FAF1: variants seen among roughly 807,000 people sequenced by gnomAD.
FAF1 encodes Fas associated factor 1.
A neutral mutation model predicts 92.5 loss-of-function variants in FAF1; 25 were observed. The ratio of observed to expected loss-of-function variants is 0.27; its 90% confidence interval spans 0.20 to 0.38. The LOEUF (loss-of-function observed/expected upper bound fraction) is 0.38. Ranked by LOEUF, FAF1 falls within the 10% of genes least tolerant of loss-of-function variation. The probability of loss-of-function intolerance (pLI) is 1.00; values close to 1 mark genes in which losing one functional copy is unlikely to be tolerated. For synonymous variants in FAF1, 234 were observed against 273.2 expected, an observed-to-expected ratio of 0.86 and a Z score of 1.42; for missense variants, 636 against 793.3, an observed-to-expected ratio of 0.80 and a Z score of 2.38.
intron 1 of FAF1, among the ~76,000 whole-genome samples, chr1:50,867,002 T>C (rs1033506906): frequency 6.6e-6 from 1 of 152,058 alleles, no homozygotes; most frequent in Admixed American, 6.6e-5. Context: ...TATAGACCAA[T>C]GCAACAGAAT....
intron 8 of FAF1, among the ~76,000 whole-genome samples, chr1:50,618,038 T>A (rs1653008833): frequency 6.6e-6 from 1 of 152,152 alleles, no homozygotes; most frequent in Non-Finnish European, 1.5e-5. Context: ...TATTTAGATC[T>A]TCTCTTTTTT....
rs570029167 is a variant in FAF1 at position 50,721,207 on chromosome 1, T to C, written c.552-15316A>G. Among the ~76,000 whole-genome samples, 3 of 152,028 alleles carry C rather than the reference T, an allele frequency of 2.0e-5. No individual in the cohort carries two copies. The South Asian group carries it at 6.2e-4, about 32-fold the overall frequency. On this transcript the variant is annotated intron_variant, in intron 6 of 18. Coordinates refer to ENST00000396153, the MANE Select transcript of FAF1 (RefSeq NM_007051.3). ...TCTTTTGAGAGGAGTCTCACTCTTA[T>C]CACCACGCTGGAGATAAGTCTCACC...
At chr1:50,664,487 C>T (rs1380838609) in intron 7 of FAF1, among the ~76,000 whole-genome samples, 1 of 151,140 alleles carries the variant, frequency 6.6e-6, no homozygotes, top group Non-Finnish European at 1.5e-5. Flanking sequence ...ATGTTTGAGC[C>T]ATATAAAACA....
At chr1:50,868,739 G>A (rs1241791415) in intron 1 of FAF1, among the ~76,000 whole-genome samples, 2 of 152,038 alleles carry the variant, frequency 1.3e-5, no homozygotes, top group Admixed American at 6.6e-5. Flanking sequence ...CTGTTGATTT[G>A]TAATTTAATT....
At chr1:50,732,046 G>A (rs568007312) in intron 6 of FAF1, among the ~76,000 whole-genome samples, 1 of 151,826 alleles carries the variant, frequency 6.6e-6, no homozygotes, top group African/African-American at 2.4e-5. Flanking sequence ...TGACAAAGAT[G>A]TATTGCTAAA....
chr1:50,887,246 G>C (rs1445732247), intron 1 of FAF1, among the ~76,000 whole-genome samples: 1 of 152,182 alleles, frequency 6.6e-6, no homozygotes, highest in Non-Finnish European at 1.5e-5. Flanking sequence ...TTGTAAATTT[G>C]TTTGAGTTCT....
intron 1 of FAF1, among the ~76,000 whole-genome samples, chr1:50,916,140 A>T (rs1355426071): frequency 6.6e-6 from 1 of 152,202 alleles, no homozygotes; most frequent in Non-Finnish European, 1.5e-5. Context: ...TGAAAGACAG[A>T]CAAAAACAAA....
chr1:50,907,739 T>G (rs913722550), intron 1 of FAF1, among the ~76,000 whole-genome samples: 2 of 152,206 alleles, frequency 1.3e-5, no homozygotes, highest in African/African-American at 2.4e-5. Context: ...CCTTTATCAT[T>G]TTTTATTGCA....
In FAF1 at chr1:50,583,828, A is replaced by T. The variant is rs1651102535; in HGVS notation, c.968-113T>A. ...TAAGAAATATATTCAATCAATAAAG[A>T]GGAAATAAAATTAAATTTTAGCTTC... is the stretch of plus-strand genomic sequence containing the variant. On this transcript the variant is annotated intron_variant, in intron 10 of 18. Transcript: ENST00000396153. The surrounding 1 kb of genome is among the most constrained non-coding windows in gnomAD (Gnocchi z 4.2). 3.5e-6 allele frequency: 2 copies of T among 573,386 alleles called. No individual in the cohort carries two copies. Among genetic ancestry groups the T allele is most frequent in the Admixed American group, 6.6e-5 (2 of 30,272 alleles). The allele number at this position is 573,386 out of a possible 1,614,324, so 35.5% of individuals were successfully genotyped here.
intron 13 of FAF1, among the ~76,000 whole-genome samples, chr1:50,553,461 TG>T (rs750666971): frequency 1.3e-5 from 2 of 152,234 alleles, no homozygotes; most frequent in African/African-American, 2.4e-5. Context: ...GAACCCCAAA[TG>T]ATCTTGTCAA....
chr1:50,913,629 C>G (rs1644901200), intron 1 of FAF1, among the ~76,000 whole-genome samples: 1 of 151,970 alleles, frequency 6.6e-6, no homozygotes. Context: ...AAAATAATGA[C>G]AATAATATAT....
At chr1:50,864,002 T>C (rs1300023259) in intron 1 of FAF1, among the ~76,000 whole-genome samples, 1 of 151,990 alleles carries the variant, frequency 6.6e-6, no homozygotes, top group East Asian at 1.9e-4. Context: ...GAGGTGTTTG[T>C]AGTATTCTCT....
At chr1:50,630,253 A>G (rs533227533) in intron 8 of FAF1, among the ~76,000 whole-genome samples, 2 of 152,346 alleles carry the variant, frequency 1.3e-5, no homozygotes, top group East Asian at 3.9e-4. Flanking sequence ...CTCCATGTTT[A>G]GTTGTAAGAC....
chr1:50,830,548 T>G (rs1263553608), intron 2 of FAF1, among the ~76,000 whole-genome samples: 1 of 152,210 alleles, frequency 6.6e-6, no homozygotes, highest in East Asian at 1.9e-4. Flanking sequence ...ATACATCTTC[T>G]ATAAACATTT....
chr1:50,769,846 T>A lies in FAF1; in HGVS notation c.367+18154A>T, dbSNP rs1307998377. 2.6e-5 allele frequency among the ~76,000 whole-genome samples: 4 copies of A among 151,842 alleles called. No individual in the cohort carries two copies. In the East Asian group the frequency reaches 7.8e-4, roughly 29 times the overall value. On this transcript the variant is annotated intron_variant, in intron 4 of 18. Coordinates refer to ENST00000396153, the MANE Select transcript of FAF1 (RefSeq NM_007051.3). ...CAGGTGGATCACTTGGGGTCAGGAG[T>A]TTGAGACCAGCCTGGCCAATATGGT...
chr1:50,893,151 A>G (rs1190980504), intron 1 of FAF1, among the ~76,000 whole-genome samples: 1 of 152,176 alleles, frequency 6.6e-6, no homozygotes, highest in Non-Finnish European at 1.5e-5. Flanking sequence ...TGTCTGAAAA[A>G]GGTCACATAT....
intron 8 of FAF1, among the ~76,000 whole-genome samples, chr1:50,607,828 G>A (rs748932030): frequency 6.6e-6 from 1 of 152,226 alleles, no homozygotes; most frequent in Non-Finnish European, 1.5e-5. Context: ...CCTAAGGGGA[G>A]ACCCAGAATC....
intron 12 of FAF1, among the ~76,000 whole-genome samples, chr1:50,580,698 A>T (rs1650950469): frequency 6.6e-6 from 1 of 152,254 alleles, no homozygotes; most frequent in African/African-American, 2.4e-5. Flanking sequence ...TCAACTAAAC[A>T]TACAATAATA....
intron 1 of FAF1, among the ~76,000 whole-genome samples, chr1:50,941,367 G>T (rs376102004): frequency 6.6e-6 from 1 of 151,970 alleles, no homozygotes; most frequent in Non-Finnish European, 1.5e-5. Flanking sequence ...CAGCCACCAC[G>T]CCCAGCTAAT....
Sources: allele counts gnomAD v4.1 joint callset (sites outside exome capture counted in the v4.1 genomes callset), GRCh38; gene constraint gnomAD v4.1.1; non-coding constraint Gnocchi (gnomAD v3.1); transcripts MANE v1.5; gene names NCBI Gene and HGNC (gene_info 2026-07-23, HGNC 2026-07-21).